Variants in NEO1 observed in about 807,000 individuals in gnomAD.
NEO1 encodes neogenin 1.
A neutral mutation model predicts 159.7 loss-of-function variants in NEO1; 63 were observed. The observed-to-expected ratio is 0.39, with a 90% CI of 0.32 to 0.49. The LOEUF is 0.49. Among genes scored for constraint, NEO1 ranks in the 20% least tolerant of loss-of-function variants. The probability of loss-of-function intolerance (pLI) is 0.85; values close to 1 mark genes in which losing one functional copy is unlikely to be tolerated. For missense variants in NEO1, 1,615 were observed against 1,831.0 expected, an observed-to-expected ratio of 0.88 and a Z score of 2.15; for synonymous variants, 633 against 662.0, an observed-to-expected ratio of 0.96 and a Z score of 0.67.
intron 11 of NEO1, among the ~76,000 whole-genome samples, chr15:73,250,635 A>G (rs765391357): frequency 3.3e-5 from 5 of 152,190 alleles, no homozygotes; most frequent in African/African-American, 7.2e-5. Context: ...ATCCAAATTG[A>G]GGGAAGCTCT....
chr15:73,074,648 T>G lies in NEO1; in HGVS notation c.130+21843T>G, dbSNP rs536243113. On this transcript the variant is annotated intron_variant, in intron 1 of 28. Coordinates refer to ENST00000261908, the MANE Select transcript of NEO1 (RefSeq NM_002499.4). The stretch of plus-strand genomic sequence containing the variant: ...TCCAGACAGAATTATTTTCTCATGT[T>G]TGAAGTAGTATAGGCACATGGCCCT... Among the ~76,000 whole-genome samples the G allele has an allele frequency of 1.5e-4, 23 of 152,338 alleles. 1 individual carries two copies. The highest frequency in any genetic ancestry group is 5.5e-4 in the African/African-American group (23 of 41,580).
chr15:73,300,245 T>G (rs1037930462), intron 27 of NEO1, among the ~76,000 whole-genome samples: 2 of 152,218 alleles, frequency 1.3e-5, no homozygotes, highest in Admixed American at 1.3e-4. Context: ...AATCCTGATT[T>G]TTACTTAAAA....
chr15:73,167,934 A>G (rs1241542593), intron 5 of NEO1, among the ~76,000 whole-genome samples: 1 of 152,210 alleles, frequency 6.6e-6, no homozygotes, highest in Non-Finnish European at 1.5e-5. Context: ...ACATCATCAT[A>G]AACATTTAAA....
At chr15:73,065,554 G>A (rs2068173166) in intron 1 of NEO1, among the ~76,000 whole-genome samples, 1 of 152,106 alleles carries the variant, frequency 6.6e-6, no homozygotes, top group African/African-American at 2.4e-5. Context: ...ATCTTTTCTA[G>A]TAAGAAGTCA....
At chr15:73,279,560 A>G (rs2041594770) in intron 22 of NEO1, among the ~76,000 whole-genome samples, 1 of 151,404 alleles carries the variant, frequency 6.6e-6, no homozygotes, top group Non-Finnish European at 1.5e-5. Flanking sequence ...TGTTGGCCAG[A>G]CTAGTCTTGA....
At chr15:73,055,629 C>T (rs143396153) in intron 1 of NEO1, among the ~76,000 whole-genome samples, 13 of 152,294 alleles carry the variant, frequency 8.5e-5, no homozygotes, top group South Asian at 6.2e-4. Context: ...ACTTGCCACT[C>T]GGTACCTTCA....
At chr15:73,176,349 A>G (rs966801715) in intron 5 of NEO1, 54 bp from the exon 6 acceptor site, 3 of 1,181,966 alleles carry the variant, frequency 2.5e-6, no homozygotes, top group East Asian at 2.7e-5. Context: ...TGAAATATGA[A>G]TAGCTGCCTA....
At chr15:73,160,511 A>G (rs754068248) in intron 5 of NEO1, among the ~76,000 whole-genome samples, 1 of 152,072 alleles carries the variant, frequency 6.6e-6, no homozygotes, top group Admixed American at 6.5e-5. Flanking sequence ...CCAGACTACC[A>G]TCTCTCTTCA....
At chr15:73,179,169 G>A (rs1474925209) in intron 7 of NEO1, among the ~76,000 whole-genome samples, 1 of 152,142 alleles carries the variant, frequency 6.6e-6, no homozygotes, top group African/African-American at 2.4e-5. Context: ...TTAACATAAG[G>A]AATTAACATT....
intron 1 of NEO1, among the ~76,000 whole-genome samples, chr15:73,097,488 G>A (rs1029068385): frequency 6.6e-6 from 1 of 151,346 alleles, no homozygotes; most frequent in Non-Finnish European, 1.5e-5. Flanking sequence ...AGCCTCCCAG[G>A]TAGCTGGGAT....
upstream of NEO1, chr15:73,051,872 C>T (rs554062672): frequency 3.3e-5 from 5 of 152,328 alleles, no homozygotes; most frequent in African/African-American, 9.6e-5. Flanking sequence ...CTCTGAGGCC[C>T]TATATAGAGG....
At chr15:73,268,881 A>G (rs2041038759) in intron 16 of NEO1, among the ~76,000 whole-genome samples, 1 of 152,206 alleles carries the variant, frequency 6.6e-6, no homozygotes, top group South Asian at 2.1e-4. Context: ...AGTACTGTAC[A>G]GTACTCTGAT....
chr15:73,293,336 G>A, intron 25 of NEO1, 54 bp from the exon 26 acceptor site: 2 of 1,602,224 alleles, frequency 1.2e-6, no homozygotes, highest in Non-Finnish European at 8.5e-7. Context: ...ACTGTGATTT[G>A]TGTGTGTTTG....
chr15:73,135,954 T>C lies in NEO1; in HGVS notation c.942T>C (p.Asp314=). ...SLEISDVTED[D]AGTYFCIADN... ...AGATCAGTGATGTTACTGAGGATGA[T>C]GCTGGGACTTATTTTTGTATAGCTG... Residue 314 remains aspartate, a synonymous_variant, in exon 5 of 29, where the codon GAT becomes GAC. Coordinates refer to ENST00000261908, the MANE Select transcript of NEO1 (RefSeq NM_002499.4). 1 of 1,611,120 alleles carries C rather than the reference T, an allele frequency of 6.2e-7. No individual in the cohort carries two copies. Among genetic ancestry groups the C allele is most frequent in the Non-Finnish European group, 8.5e-7 (1 of 1,179,102 alleles).
intron 5 of NEO1, among the ~76,000 whole-genome samples, chr15:73,153,244 C>G (rs1459443039): frequency 6.6e-6 from 1 of 152,204 alleles, no homozygotes; most frequent in Non-Finnish European, 1.5e-5. Context: ...AAATGCTTTT[C>G]TCTTCTGGAA....
At chr15:73,183,723 G>A (rs750437072) in intron 7 of NEO1, among the ~76,000 whole-genome samples, 1 of 152,018 alleles carries the variant, frequency 6.6e-6, no homozygotes, top group Non-Finnish European at 1.5e-5. Flanking sequence ...TGTGGTATTG[G>A]TATGCTGGAG....
intron 7 of NEO1, among the ~76,000 whole-genome samples, chr15:73,230,184 C>G (rs2150817024): frequency 6.6e-6 from 1 of 152,164 alleles, no homozygotes; most frequent in Non-Finnish European, 1.5e-5. Flanking sequence ...TTAGAATTTT[C>G]TTTGTATAGG....
chr15:73,179,020 C>T (rs1232087805), intron 7 of NEO1, among the ~76,000 whole-genome samples: 1 of 151,988 alleles, frequency 6.6e-6, no homozygotes, highest in African/African-American at 2.4e-5. Context: ...TTCCAGAATA[C>T]AATTAATTTA....
intron 7 of NEO1, among the ~76,000 whole-genome samples, chr15:73,194,205 T>C (rs2036401004): frequency 1.3e-5 from 2 of 152,164 alleles, no homozygotes; most frequent in Non-Finnish European, 2.9e-5. Flanking sequence ...AAATATGGAA[T>C]CTGTCCTACC....
Sources: gnomAD v4.1 joint callset for allele counts (sites outside exome capture counted in the v4.1 genomes callset) on GRCh38, gnomAD v4.1.1 for gene constraint, MANE v1.5 for transcripts, NCBI Gene and HGNC (gene_info 2026-07-23, HGNC 2026-07-21) for gene names.